The following RILP variants were observed in gnomAD, a reference collection of about 807,000 sequenced individuals.
The protein encoded by RILP is rab-interacting lysosomal protein.
In RILP, 53 loss-of-function variants were observed where a neutral mutation model predicts 40.0. That is an observed-to-expected ratio of 1.32 (90% confidence interval 1.06 to 1.66). RILP has a LOEUF of 1.66. Among genes scored for constraint, RILP ranks in the 40% most tolerant of loss-of-function variants. RILP has a pLI of 0.00. For missense variants in RILP, 626 were observed against 551.7 expected, an observed-to-expected ratio of 1.13 and a Z score of -1.35; for synonymous variants, 272 against 250.6, an observed-to-expected ratio of 1.09 and a Z score of -0.80.
chr17:1,649,788 G>A lies in RILP; in HGVS notation c.17C>T (p.Ala6Val), dbSNP rs1279731085. The A allele has an allele frequency of 5.8e-6, 9 of 1,549,626 alleles. No homozygotes were observed. Among genetic ancestry groups the A allele is most frequent in the African/African-American group, 5.4e-5 (4 of 73,498 alleles). Reference protein sequence around the residue: MEPRRAAPGVPGWGSR... With the variant: MEPRRVAPGVPGWGSR... ...CCCCCAGCCAGGCACCCCGGGCGCC[G>A]CCCTCCTGGGCTCCATGTCTCCCAG... The change falls in exon 1 of 8, where the codon GCG (alanine) becomes GTG (valine). Residue 6 changes from alanine (A) to valine (V), a missense_variant. Physicochemically the swap from Ala to Val is moderately conservative, Grantham distance 64. Transcript: ENST00000301336. This position sits in a 1 kb window ranked among gnomAD's most constrained non-coding sequence, Gnocchi z 4.3.
rs1167939309 is a variant in RILP, at chr17:1,649,812, A to G, written c.-8T>C. 1.3e-6 allele frequency: 2 copies of G among 1,534,398 alleles called. No individual in the cohort carries two copies. The highest frequency in any genetic ancestry group is 1.7e-6 in the Non-Finnish European group (2 of 1,145,970). On this transcript the variant is annotated 5_prime_UTR_variant, in exon 1 of 8. Transcript: ENST00000301336. The surrounding 1 kb of genome is among the most constrained non-coding windows in gnomAD (Gnocchi z 4.3). ...CGCCCTCCTGGGCTCCATGTCTCCC[A>G]GAGGCTTAGGGCTGCGACCCCCCCA...
At position 1,648,284 on chromosome 17, in the gene RILP, G is replaced by A. The variant is rs1302435746; in HGVS notation, c.821+66C>T. On this transcript the variant is annotated intron_variant, in intron 5 of 7. Transcript: ENST00000301336. The surrounding 1 kb of genome is among the most constrained non-coding windows in gnomAD (Gnocchi z 4.9). ...CGCAGGCCTGGCACATGTCACTGTGGACATGTCAATGACTGGAGAATGAGG... is the reference window on the plus strand; with the variant it reads ...CGCAGGCCTGGCACATGTCACTGTGAACATGTCAATGACTGGAGAATGAGG... 5.1e-6 allele frequency: 8 copies of A among 1,566,132 alleles called. No homozygotes were observed. The East Asian group carries it at 1.6e-4, about 31-fold the overall frequency.
At position 1,649,433 on chromosome 17, in the gene RILP, C is replaced by T. The variant is rs755702943; in HGVS notation, c.301G>A (p.Glu101Lys). The change falls in exon 2 of 8, where the codon GAG becomes AAG. Residue 101 changes from glutamate to lysine, a missense_variant. Coordinates refer to ENST00000301336, the MANE Select transcript of RILP (RefSeq NM_031430.3). The surrounding 1 kb of genome is among the most constrained non-coding windows in gnomAD (Gnocchi z 4.3). ...TTACCCTGTGGCCCCGCGCGCAGCT[C>T]CCTGCGGAGGCGCTCGTTCTCCTCC... ...LREENERLRR[E>K]LRAGPQEERA... The T allele has an allele frequency of 6.6e-6, 10 of 1,509,480 alleles. No individual in the cohort carries two copies. The highest frequency in any genetic ancestry group is 2.7e-5 in the East Asian group (1 of 37,588). 93.5% of individuals were successfully genotyped at this position (1,509,480 alleles called of 1,614,324 possible). A position where few individuals can be genotyped will look rare whatever the true frequency, so the allele number is the denominator to read the frequency against.
chr17:1,649,234 C>A lies in RILP; in HGVS notation c.395G>T (p.Arg132Leu), dbSNP rs868506432. Residue 132 changes from arginine (R) to leucine (L), a missense_variant, in exon 3 of 8, where the codon CGC becomes CTC. Coordinates refer to ENST00000301336, the MANE Select transcript of RILP (RefSeq NM_031430.3). The surrounding 1 kb of genome is among the most constrained non-coding windows in gnomAD (Gnocchi z 4.3). ...RQRDELRAHN[R>L]DLRQRGQETE... is the part of the protein sequence containing the mutation. ...CTCCTGGCCGCGCTGCCGCAGGTCG[C>A]GGTTGTGCGCCCGGAGTTCGTCCCG... 1 of 1,494,296 alleles carries A rather than the reference C, an allele frequency of 6.7e-7. No homozygotes were observed. Among genetic ancestry groups the A allele is most frequent in the Non-Finnish European group, 8.9e-7 (1 of 1,129,416 alleles). The allele number at this position is 1,494,296 out of a possible 1,614,324, so 92.6% of individuals were successfully genotyped here.
At chr17:1,647,394 C>T (rs1437487913) in intron 6 of RILP, among the ~76,000 whole-genome samples, 1 of 152,154 alleles carries the variant, frequency 6.6e-6, no homozygotes. Flanking sequence ...CCCACCTTAG[C>T]CTCTCAAAGT....
In RILP at chr17:1,649,308, T is replaced by C. The variant is rs1217342947; in HGVS notation, c.323-2A>G. ...GCTGCCGCAGCAGCGCGCGCTCCTC[T>C]GAGGAAGGGGCGTTCTTAGCGGCGG... On this transcript the variant is annotated splice_acceptor_variant, in intron 2 of 7. Coordinates refer to ENST00000301336, the MANE Select transcript of RILP (RefSeq NM_031430.3). LOFTEE classifies it high-confidence loss of function. The surrounding 1 kb of genome is among the most constrained non-coding windows in gnomAD (Gnocchi z 4.3). 1.3e-6 allele frequency: 2 copies of C among 1,501,884 alleles called. No homozygotes were observed. Among genetic ancestry groups the C allele is most frequent in the East Asian group, 2.8e-5 (1 of 36,352 alleles). 93.0% of individuals were successfully genotyped at this position (1,501,884 alleles called of 1,614,324 possible).
Position 1,646,542 on chromosome 17 carries a change from C to T in RILP, c.1106G>A (p.Gly369Glu). ...TSSPAPSKLG[G>E]EEEAQPQSPA... The stretch of plus-strand genomic sequence containing the variant: ...AGACTGTGGTTGGGCCTCCTCTTCT[C>T]CCCCTAGCTTGCTGGGTGCAGGGCT... The change falls in exon 8 of 8, where the codon GGA becomes GAA. Residue 369 changes from glycine to glutamate, a missense_variant. Transcript: ENST00000301336. The surrounding 1 kb of genome is among the most constrained non-coding windows in gnomAD (Gnocchi z 4.3). The T allele has an allele frequency of 6.2e-7, 1 of 1,613,420 alleles. No individual in the cohort carries two copies. The highest frequency in any genetic ancestry group is 8.5e-7 in the Non-Finnish European group (1 of 1,179,656).
In RILP at chr17:1,648,283, G is replaced by C; in HGVS notation, c.821+67C>G. ...GCGCAGGCCTGGCACATGTCACTGT[G>C]GACATGTCAATGACTGGAGAATGAG... On this transcript the variant is annotated intron_variant, in intron 5 of 7. Coordinates refer to ENST00000301336, the MANE Select transcript of RILP (RefSeq NM_031430.3). The surrounding 1 kb of genome is among the most constrained non-coding windows in gnomAD (Gnocchi z 4.9). 1 of 1,551,008 alleles carries C rather than the reference G, an allele frequency of 6.4e-7. No individual in the cohort carries two copies. Among genetic ancestry groups the C allele is most frequent in the Non-Finnish European group, 8.8e-7 (1 of 1,139,412 alleles).
At position 1,649,110 on chromosome 17, in the gene RILP, C is replaced by T. The variant is rs1342658381; in HGVS notation, c.430-66G>A. The stretch of plus-strand genomic sequence containing the variant: ...GGCCCCCCGGAGCCCCGCCCAGCGC[C>T]TGCCTCGCTCCGCCCCCGCCCCCGG... On this transcript the variant is annotated intron_variant, in intron 3 of 7. Coordinates refer to ENST00000301336, the MANE Select transcript of RILP (RefSeq NM_031430.3). This position sits in a 1 kb window ranked among gnomAD's most constrained non-coding sequence, Gnocchi z 4.3. 3 of 1,205,600 alleles carry T rather than the reference C, an allele frequency of 2.5e-6. No homozygotes were observed. The highest frequency in any genetic ancestry group is 3.1e-6 in the Non-Finnish European group (3 of 964,088). 74.7% of individuals were successfully genotyped at this position (1,205,600 alleles called of 1,614,324 possible). A position where few individuals can be genotyped will look rare whatever the true frequency, so the allele number is the denominator to read the frequency against.
Position 1,649,751 on chromosome 17 carries a change from G to A in RILP, c.54C>T (p.Ala18=), listed in dbSNP as rs1231248837. ...GCTCCGCGGCCGATGCCGACCCCGC[G>A]GCCTCCCGAGACCCCCAGCCAGGCA... ...PGVPGWGSRE[A]AGSASAAELV... The change falls in exon 1 of 8, where the codon GCC becomes GCT. Residue 18 remains alanine, a synonymous_variant. Coordinates refer to ENST00000301336, the MANE Select transcript of RILP (RefSeq NM_031430.3). This position sits in a 1 kb window ranked among gnomAD's most constrained non-coding sequence, Gnocchi z 4.3. 10 of 1,587,002 alleles carry A rather than the reference G, an allele frequency of 6.3e-6. No individual in the cohort carries two copies. The highest frequency in any genetic ancestry group is 8.5e-7 in the Non-Finnish European group (1 of 1,174,218).
At position 1,648,758 on chromosome 17, in the gene RILP, C is replaced by A; in HGVS notation, c.675+41G>T. On this transcript the variant is annotated intron_variant, in intron 4 of 7. Transcript: ENST00000301336. The surrounding 1 kb of genome is among the most constrained non-coding windows in gnomAD (Gnocchi z 4.9). ...TTGAGTGCCCACCGAGGGCTGGACG[C>A]TGCGTCCTGGGCTGGGTCCTTGCCC... The A allele has an allele frequency of 6.8e-7, 1 of 1,466,418 alleles. No homozygotes were observed. The highest frequency in any genetic ancestry group is 1.4e-5 in the South Asian group (1 of 71,070). The allele number at this position is 1,466,418 out of a possible 1,614,324, so 90.8% of individuals were successfully genotyped here. A position where few individuals can be genotyped will look rare whatever the true frequency, so the allele number is the denominator to read the frequency against.
At chr17:1,647,280 T>TA (rs1392190980) in intron 6 of RILP, among the ~76,000 whole-genome samples, 2 of 152,122 alleles carry the variant, frequency 1.3e-5, no homozygotes, top group African/African-American at 4.8e-5. Flanking sequence ...GCTGGGATTA[T>TA]AGGCACATGC....
In RILP at chr17:1,649,438, C is replaced by T. The variant is rs1192489007; in HGVS notation, c.296G>A (p.Arg99His). 7 of 1,510,650 alleles carry T rather than the reference C, an allele frequency of 4.6e-6. No homozygotes were observed. The highest frequency in any genetic ancestry group is 1.4e-5 in the African/African-American group (1 of 69,664). 93.6% of individuals were successfully genotyped at this position (1,510,650 alleles called of 1,614,324 possible). A position where few individuals can be genotyped will look rare whatever the true frequency, so the allele number is the denominator to read the frequency against. Residue 99 changes from arginine to histidine, a missense_variant, in exon 2 of 8, where the codon CGC becomes CAC. Arg to His is a conservative substitution (Grantham distance 29). Coordinates refer to ENST00000301336, the MANE Select transcript of RILP (RefSeq NM_031430.3). This position sits in a 1 kb window ranked among gnomAD's most constrained non-coding sequence, Gnocchi z 4.3. ...CTGTGGCCCCGCGCGCAGCTCCCTG[C>T]GGAGGCGCTCGTTCTCCTCCCGCAG... is the stretch of plus-strand genomic sequence containing the variant. ...RRLREENERLRRELRAGPQEE... is the reference protein window; with the variant it reads ...RRLREENERLHRELRAGPQEE...
Position 1,648,265 on chromosome 17 carries a change from C to T in RILP, c.821+85G>A, listed in dbSNP as rs573822082. On this transcript the variant is annotated intron_variant, in intron 5 of 7. Coordinates refer to ENST00000301336, the MANE Select transcript of RILP (RefSeq NM_031430.3). The surrounding 1 kb of genome is among the most constrained non-coding windows in gnomAD (Gnocchi z 4.9). The stretch of plus-strand genomic sequence containing the variant: ...ATGTCCTCCCAGTTCCCAGCGCAGG[C>T]CTGGCACATGTCACTGTGGACATGT... The T allele has an allele frequency of 7.1e-5, 108 of 1,512,304 alleles. 4 individuals are homozygous for T. In the South Asian group the frequency reaches 1.3e-3, roughly 18 times the overall value. 93.7% of individuals were successfully genotyped at this position (1,512,304 alleles called of 1,614,324 possible).
chr17:1,649,185 C>T lies in RILP; in HGVS notation c.429+15G>A, dbSNP rs753257027. Reference sequence around the variant, plus strand: ...TCCGCCCCCGCCCCGCCCCAGAGCCCCGCCCCGCCCTCACCGCCTCGGTCT... The same window carrying T: ...TCCGCCCCCGCCCCGCCCCAGAGCCTCGCCCCGCCCTCACCGCCTCGGTCT... On this transcript the variant is annotated intron_variant, in intron 3 of 7. Transcript: ENST00000301336. This position sits in a 1 kb window ranked among gnomAD's most constrained non-coding sequence, Gnocchi z 4.3. The T allele has an allele frequency of 2.2e-3, 3,090 of 1,432,214 alleles. 7 individuals carry two copies. The highest frequency in any genetic ancestry group is 2.6e-3 in the Non-Finnish European group (2,865 of 1,091,040). The allele number at this position is 1,432,214 out of a possible 1,614,324, so 88.7% of individuals were successfully genotyped here.
rs959557088 is a variant in RILP, at chr17:1,648,046, C to T, written c.822-89G>A. The T allele has an allele frequency of 6.6e-7, 1 of 1,520,226 alleles. No individual in the cohort carries two copies. The highest frequency in any genetic ancestry group is 9.0e-7 in the Non-Finnish European group (1 of 1,115,612). 94.2% of individuals were successfully genotyped at this position (1,520,226 alleles called of 1,614,324 possible). A position where few individuals can be genotyped will look rare whatever the true frequency, so the allele number is the denominator to read the frequency against. On this transcript the variant is annotated intron_variant, in intron 5 of 7. Transcript: ENST00000301336. This position sits in a 1 kb window ranked among gnomAD's most constrained non-coding sequence, Gnocchi z 4.9. ...GGAGATGCCAGCCGCAGTCCTCACT[C>T]CTGGTACCTGTGCACGCAGCTCTTC...
In RILP at chr17:1,649,220, G is replaced by C. The variant is rs939279702; in HGVS notation, c.409C>G (p.Arg137Gly). The change falls in exon 3 of 8, where the codon CGC becomes GGC. Residue 137 changes from arginine (R) to glycine (G), a missense_variant. Transcript: ENST00000301336. The surrounding 1 kb of genome is among the most constrained non-coding windows in gnomAD (Gnocchi z 4.3). ...CTCACCGCCTCGGTCTCCTGGCCGC[G>C]CTGCCGCAGGTCGCGGTTGTGCGCC... ...LRAHNRDLRQ[R>G]GQETEALQEQ... 3 of 1,399,052 alleles carry C rather than the reference G, an allele frequency of 2.1e-6. No individual in the cohort carries two copies. The highest frequency in any genetic ancestry group is 1.5e-5 in the African/African-American group (1 of 65,174). 86.7% of individuals were successfully genotyped at this position (1,399,052 alleles called of 1,614,324 possible). A position where few individuals can be genotyped will look rare whatever the true frequency, so the allele number is the denominator to read the frequency against.
intron 6 of RILP, among the ~76,000 whole-genome samples, 173 bp from the exon 7 acceptor site, chr17:1,647,162 C>T (rs1338036778): frequency 6.6e-6 from 1 of 151,220 alleles, no homozygotes; most frequent in East Asian, 1.9e-4. Flanking sequence ...TTTTTTGAGA[C>T]AGGGTCTCAC....
rs1910754708 is a variant in RILP, at chr17:1,648,675, ATCTG to A, written c.675+120_675+123del. Reference sequence around the variant, plus strand: ...GGGCCGAGGCCGGCCGGGGGCGCAGATCTGTCTGCCACCTCCCCGCTTCCTGGCC... The same window carrying A: ...GGGCCGAGGCCGGCCGGGGGCGCAGATCTGCCACCTCCCCGCTTCCTGGCC... On this transcript the variant is annotated intron_variant, in intron 4 of 7. Coordinates refer to ENST00000301336, the MANE Select transcript of RILP (RefSeq NM_031430.3). The surrounding 1 kb of genome is among the most constrained non-coding windows in gnomAD (Gnocchi z 4.9). 1.4e-6 allele frequency: 2 copies of A among 1,411,768 alleles called. No homozygotes were observed. The highest frequency in any genetic ancestry group is 1.9e-6 in the Non-Finnish European group (2 of 1,076,840). The allele number at this position is 1,411,768 out of a possible 1,614,324, so 87.5% of individuals were successfully genotyped here.
Sources: gnomAD v4.1 joint callset for allele counts (sites outside exome capture counted in the v4.1 genomes callset) on GRCh38, gnomAD v4.1.1 for gene constraint, Gnocchi (gnomAD v3.1) non-coding constraint, MANE v1.5 for transcripts, NCBI Gene and HGNC (gene_info 2026-07-23, HGNC 2026-07-21) for gene names.